TMC2: variants seen among roughly 807,000 people sequenced by gnomAD.
TMC2 encodes transmembrane channel like 2.
TMC2 carries 102 observed loss-of-function variants against 105.9 expected under a neutral mutation model. The observed-to-expected ratio is 0.96, with a 90% CI of 0.82 to 1.14. TMC2 has a LOEUF of 1.14. TMC2 is among the 50% of genes most tolerant of loss of function. The pLI is 0.00. For missense variants in TMC2, 1,093 were observed against 1,134.3 expected (o/e 0.96, Z 0.52); for synonymous variants, 402 against 422.8 (o/e 0.95, Z 0.60).
chr20:2,617,563 AAAT>A, intron 16 of TMC2: 1 of 524,654 alleles, frequency 1.9e-6, no homozygotes, highest in South Asian at 2.6e-5. Flanking sequence ...GGAACTGAGA[AAAT>A]TAATTTCTCA....
intron 17 of TMC2, among the ~76,000 whole-genome samples, chr20:2,625,546 T>C (rs1385881063): frequency 1.3e-5 from 2 of 152,234 alleles, no homozygotes; most frequent in African/African-American, 4.8e-5. Context: ...CAAACAACAT[T>C]ATGTTGGGGG....
intron 4 of TMC2, among the ~76,000 whole-genome samples, chr20:2,571,880 T>G (rs142096415): frequency 1.1e-3 from 166 of 152,300 alleles, no homozygotes; most frequent in African/African-American, 3.8e-3. Context: ...CTTAACTACA[T>G]TTTAAAAGTC....
intron 1 of TMC2, 24 bp downstream of exon 1, chr20:2,536,679 G>A (rs756573454): frequency 2.8e-5 from 44 of 1,566,042 alleles, no homozygotes; most frequent in Middle Eastern, 1.7e-4. Context: ...CTGATCCTGC[G>A]GGGCCCGCCC....
intron 3 of TMC2, among the ~76,000 whole-genome samples, chr20:2,559,406 A>G (rs879619172): frequency 2.8e-4 from 42 of 152,318 alleles, no homozygotes; most frequent in African/African-American, 4.1e-4. Context: ...AGCTTATGGC[A>G]TCAGAAAGTG....
intron 16 of TMC2, among the ~76,000 whole-genome samples, chr20:2,620,437 G>A (rs745580112): frequency 6.6e-6 from 1 of 152,214 alleles, no homozygotes; most frequent in East Asian, 1.9e-4. Flanking sequence ...GACTAATCGT[G>A]TGACTAATGC....
chr20:2,602,102 C>T lies in TMC2; in HGVS notation c.1225-11C>T. On this transcript the variant is annotated splice_polypyrimidine_tract_variant and intron_variant, in intron 10 of 19. Transcript: ENST00000358864. ...CTGACATTTATGCACATCTCATTTTCACACATTAAGGAATCAATAGTGGAT... is the reference window on the plus strand; with the variant it reads ...CTGACATTTATGCACATCTCATTTTTACACATTAAGGAATCAATAGTGGAT... 1.3e-6 allele frequency: 2 copies of T among 1,590,678 alleles called. No homozygotes were observed. The highest frequency in any genetic ancestry group is 1.7e-6 in the Non-Finnish European group (2 of 1,166,286).
Position 2,611,886 on chromosome 20 carries a change from G to GTGGGTGGA in TMC2, c.1594-302_1594-301insGTGGATGG, listed in dbSNP as rs2086442625. 8.8e-4 allele frequency among the ~76,000 whole-genome samples: 77 copies of GTGGGTGGA among 87,488 alleles called. 1 individual carries two copies. The highest frequency in any genetic ancestry group is 2.6e-3 in the African/African-American group (60 of 22,784). The allele number at this position is 87,488 out of a possible 152,430, so 57.4% of individuals were successfully genotyped here. ...GATGGATGGGTGGGTGGGTGGGTGGGTGGATGGATGGATGGATGGATGGAT... is the reference window on the plus strand; with the variant it reads ...GATGGATGGGTGGGTGGGTGGGTGGGTGGGTGGATGGATGGATGGATGGATGGATGGAT... On this transcript the variant is annotated intron_variant, in intron 12 of 19. Transcript: ENST00000358864.
chr20:2,538,152 C>G (rs1337702849), intron 2 of TMC2, among the ~76,000 whole-genome samples: 1 of 152,122 alleles, frequency 6.6e-6, no homozygotes, highest in Non-Finnish European at 1.5e-5. Flanking sequence ...TCTGCCCTTT[C>G]CGCTCCTGTG....
rs1555775758 is a variant in TMC2 at position 2,608,299 on chromosome 20, A to ATTT, written c.1414-2119_1414-2117dup. ...CCTTCCCAGTTGTACCCTTATTTTT[A>ATTT]TTTATTATTATTATTATTATTATTA... On this transcript the variant is annotated intron_variant, in intron 11 of 19. Transcript: ENST00000358864. 4.4e-4 allele frequency among the ~76,000 whole-genome samples: 44 copies of ATTT among 98,908 alleles called. No homozygotes were observed. The South Asian group carries it at 4.9e-3, about 11-fold the overall frequency. 64.9% of individuals were successfully genotyped at this position (98,908 alleles called of 152,430 possible).
At chr20:2,543,098 A>G (rs931591290) in intron 2 of TMC2, among the ~76,000 whole-genome samples, 1 of 151,922 alleles carries the variant, frequency 6.6e-6, no homozygotes, top group Non-Finnish European at 1.5e-5. Context: ...TTAGTCAGGC[A>G]AGGTGGCATA....
intron 2 of TMC2, among the ~76,000 whole-genome samples, chr20:2,554,779 C>A (rs184867948): frequency 6.6e-6 from 1 of 152,048 alleles, no homozygotes; most frequent in Admixed American, 6.6e-5. Flanking sequence ...AGTCTAATTC[C>A]ATTATGATCT....
chr20:2,582,760 G>GCCA (rs1363958011), intron 7 of TMC2, among the ~76,000 whole-genome samples: 1 of 152,232 alleles, frequency 6.6e-6, no homozygotes, highest in African/African-American at 2.4e-5. Flanking sequence ...ACAGGCATGA[G>GCCA]CCACCATCCC....
chr20:2,605,588 G>T (rs1482128469), intron 11 of TMC2, among the ~76,000 whole-genome samples: 1 of 152,056 alleles, frequency 6.6e-6, no homozygotes, highest in South Asian at 2.1e-4. Flanking sequence ...CTCCTTAAAG[G>T]CCCCATCTCC....
chr20:2,536,613 C>T lies in TMC2; in HGVS notation c.-9C>T. On this transcript the variant is annotated 5_prime_UTR_variant, in exon 1 of 20. Coordinates refer to ENST00000358864, the MANE Select transcript of TMC2 (RefSeq NM_080751.3). ...GAGCCTGTGCAGGACCCCAGCAGTG[C>T]TGCTGACCATGAGCCACCAGGTAAA... 1 of 1,570,198 alleles carries T rather than the reference C, an allele frequency of 6.4e-7. No individual in the cohort carries two copies. Among genetic ancestry groups the T allele is most frequent in the Non-Finnish European group, 8.6e-7 (1 of 1,157,628 alleles).
intron 8 of TMC2, 63 bp from the exon 9 acceptor site, chr20:2,594,762 A>G: frequency 6.5e-7 from 1 of 1,550,018 alleles, no homozygotes; most frequent in Non-Finnish European, 8.8e-7. Flanking sequence ...TAGAGTAGAC[A>G]TGTCTGGTAA....
chr20:2,540,807 C>T (rs995444835), intron 2 of TMC2, among the ~76,000 whole-genome samples: 3 of 152,138 alleles, frequency 2.0e-5, no homozygotes, highest in Non-Finnish European at 4.4e-5. Flanking sequence ...TGTCACCCTC[C>T]CCACATCACC....
intron 3 of TMC2, among the ~76,000 whole-genome samples, chr20:2,560,822 G>A (rs1386975185): frequency 1.5e-5 from 2 of 136,874 alleles, no homozygotes; most frequent in Non-Finnish European, 3.1e-5. Flanking sequence ...GGGCCACAGA[G>A]CAAGACTCCA....
intron 12 of TMC2, 133 bp from the exon 13 acceptor site, chr20:2,612,058 G>T (rs752171189): frequency 4.7e-6 from 4 of 843,016 alleles, no homozygotes; most frequent in Non-Finnish European, 5.2e-6. Flanking sequence ...GGGAATTTTG[G>T]AAGGACTCTG....
chr20:2,558,449 C>T lies in TMC2; in HGVS notation c.83-7C>T. On this transcript the variant is annotated splice_region_variant and splice_polypyrimidine_tract_variant and intron_variant, in intron 2 of 19. Coordinates refer to ENST00000358864, the MANE Select transcript of TMC2 (RefSeq NM_080751.3). This position sits in a 1 kb window ranked among gnomAD's most constrained non-coding sequence, Gnocchi z 4.6. ...AACCAGAACTGTCCATTTTCCCGCC[C>T]CGGCAGGTGACAGGCTGGGAAGGAG... 1 of 1,553,578 alleles carries T rather than the reference C, an allele frequency of 6.4e-7. No individual in the cohort carries two copies. The highest frequency in any genetic ancestry group is 8.7e-7 in the Non-Finnish European group (1 of 1,148,474).
Sources: gnomAD v4.1 joint callset for allele counts (sites outside exome capture counted in the v4.1 genomes callset) on GRCh38, gnomAD v4.1.1 for gene constraint, Gnocchi (gnomAD v3.1) non-coding constraint, MANE v1.5 for transcripts, NCBI Gene and HGNC (gene_info 2026-07-23, HGNC 2026-07-21) for gene names.